Variants in EYS observed in about 807,000 individuals in gnomAD.
EYS encodes the protein EGF-like photoreceptor maintenance factor.
Under a neutral mutation model 282.1 loss-of-function variants are expected in EYS, and 250 were observed. That is an observed-to-expected ratio of 0.89 (90% CI 0.80 to 0.98). The LOEUF is 0.98. EYS is among the 50% of genes least tolerant of loss of function. The pLI, the probability that EYS is intolerant of heterozygous loss-of-function variation, is 0.00. For missense variants in EYS, 4,016 were observed against 3,709.0 expected (o/e 1.08, Z -2.15); for synonymous variants, 1,355 against 1,282.9 (o/e 1.06, Z -1.20).
chr6:63,862,948 G>A (rs1305519521), intron 36 of EYS, among the ~76,000 whole-genome samples: 2 of 152,072 alleles, frequency 1.3e-5, no homozygotes, highest in East Asian at 1.9e-4. Flanking sequence ...CCATGTATCC[G>A]AAACTTCAAT....
chr6:65,103,297 T>G (rs141188982), intron 12 of EYS, among the ~76,000 whole-genome samples: 36 of 151,654 alleles, frequency 2.4e-4, no homozygotes, highest in African/African-American at 8.4e-4. Context: ...CTATAACAAT[T>G]GAAATAAATT....
intron 12 of EYS, among the ~76,000 whole-genome samples, chr6:65,169,617 T>G (rs1184990594): frequency 6.6e-6 from 1 of 151,434 alleles, no homozygotes; most frequent in African/African-American, 2.4e-5. Flanking sequence ...ATTATTTAAA[T>G]GTAAAAAATT....
intron 22 of EYS, among the ~76,000 whole-genome samples, chr6:64,678,341 G>A (rs564882836): frequency 6.6e-6 from 1 of 152,326 alleles, no homozygotes; most frequent in African/African-American, 2.4e-5. Flanking sequence ...ACTGTGGGAG[G>A]CCAAGGTGGG....
intron 19 of EYS, among the ~76,000 whole-genome samples, chr6:64,834,228 G>A (rs1438307603): frequency 6.6e-6 from 1 of 151,718 alleles, no homozygotes; most frequent in Non-Finnish European, 1.5e-5. Context: ...ACAAAATTTT[G>A]GAGGTATTCT....
chr6:65,162,910 T>TC (rs1491475588), intron 12 of EYS, among the ~76,000 whole-genome samples: 1 of 80,924 alleles, frequency 1.2e-5, no homozygotes, highest in Non-Finnish European at 2.7e-5. Context: ...TCCTGTTCTG[T>TC]TTGTGTGTGT....
chr6:64,058,401 C>T (rs900082483), intron 33 of EYS, among the ~76,000 whole-genome samples: 14 of 152,046 alleles, frequency 9.2e-5, no homozygotes, highest in Non-Finnish European at 1.9e-4. Flanking sequence ...AAGTTTTTCA[C>T]AATAAAGTCT....
At chr6:65,615,376 TTTTA>T (rs1300714388) in intron 2 of EYS, among the ~76,000 whole-genome samples, 1 of 129,740 alleles carries the variant, frequency 7.7e-6, no homozygotes. Flanking sequence ...ACCGAGTTCA[TTTTA>T]TTTATTTATA....
Position 65,082,956 on chromosome 6 carries a change from TG to T in EYS, c.2024-25230del, listed in dbSNP as rs780194435. Among the ~76,000 whole-genome samples, 61 of 152,006 alleles carry T rather than the reference TG, an allele frequency of 4.0e-4. 1 individual carries two copies. Among genetic ancestry groups the T allele is most frequent in the South Asian group, 4.2e-4 (2 of 4,818 alleles). On this transcript the variant is annotated intron_variant, in intron 12 of 42. Transcript: ENST00000503581. ...AAACAGATAGATAAAAGAATGCAGA[TG>T]GGGTTTCAGAAGCGGCATATTGATA...
intron 26 of EYS, among the ~76,000 whole-genome samples, chr6:64,521,475 A>G (rs1417768432): frequency 6.6e-6 from 1 of 151,696 alleles, no homozygotes; most frequent in Admixed American, 6.6e-5. Context: ...CCATCTTGCT[A>G]TCTCAGCTAC....
intron 18 of EYS, among the ~76,000 whole-genome samples, chr6:64,893,004 A>G (rs549281579): frequency 6.6e-6 from 1 of 152,002 alleles, no homozygotes; most frequent in East Asian, 1.9e-4. Flanking sequence ...CACTTGGAAC[A>G]TTTTCTTCTA....
chr6:65,019,995 G>A (rs1412232044), intron 13 of EYS, among the ~76,000 whole-genome samples: 2 of 151,712 alleles, frequency 1.3e-5, no homozygotes, highest in Non-Finnish European at 2.9e-5. Flanking sequence ...AACGGCAAGA[G>A]AGTAACCCAC....
At chr6:64,451,239 A>G (rs1223208595) in intron 26 of EYS, among the ~76,000 whole-genome samples, 27 of 152,236 alleles carry the variant, frequency 1.8e-4, no homozygotes, top group Non-Finnish European at 3.5e-4. Context: ...ACCTCTATGC[A>G]AATAAACTAG....
chr6:65,113,659 G>A (rs73765784), intron 12 of EYS, among the ~76,000 whole-genome samples: 5,038 of 151,796 alleles, frequency 0.033, 216 homozygotes, highest in African/African-American at 0.1. Context: ...CTTCTTATTC[G>A]AATTCTTATA....
chr6:65,484,440 A>T (rs1360328872), intron 5 of EYS, among the ~76,000 whole-genome samples: 1 of 152,234 alleles, frequency 6.6e-6, no homozygotes, highest in Non-Finnish European at 1.5e-5. Flanking sequence ...ATTATTTTTA[A>T]CATGAGGATA....
intron 26 of EYS, among the ~76,000 whole-genome samples, chr6:64,460,223 T>C (rs189941517): frequency 5.8e-4 from 88 of 152,336 alleles, no homozygotes; most frequent in Non-Finnish European, 9.8e-4. Flanking sequence ...AAAATGTGGA[T>C]AAATATTAAG....
intron 12 of EYS, among the ~76,000 whole-genome samples, chr6:65,110,796 C>T (rs1775195333): frequency 6.6e-6 from 1 of 151,990 alleles, no homozygotes; most frequent in Non-Finnish European, 1.5e-5. Context: ...ACTTGTCCTC[C>T]ATCGTCAACA....
At chr6:64,675,506 C>A (rs1346209132) in intron 22 of EYS, among the ~76,000 whole-genome samples, 2 of 137,804 alleles carry the variant, frequency 1.5e-5, no homozygotes, top group Non-Finnish European at 3.0e-5. Flanking sequence ...TGGCTCACTG[C>A]AACCTCCACC....
intron 6 of EYS, 96 bp downstream of exon 6, chr6:65,405,078 C>A: frequency 1.2e-6 from 1 of 855,968 alleles, no homozygotes. Flanking sequence ...ATTAAACTAC[C>A]TTAATAAGGA....
chr6:65,132,303 A>G (rs1775901123), intron 12 of EYS, among the ~76,000 whole-genome samples: 1 of 152,048 alleles, frequency 6.6e-6, no homozygotes, highest in South Asian at 2.1e-4. Context: ...ATTGATGCAA[A>G]ACCCCTCAAC....
Sources: gnomAD v4.1 joint callset for allele counts (sites outside exome capture counted in the v4.1 genomes callset) on GRCh38, gnomAD v4.1.1 for gene constraint, MANE v1.5 for transcripts, NCBI Gene and HGNC (gene_info 2026-07-23, HGNC 2026-07-21) for gene names.